Variants in SQOR observed in about 807,000 individuals in gnomAD.
SQOR encodes the protein sulfide:quinone oxidoreductase, mitochondrial.
Under a neutral mutation model 48.6 loss-of-function variants are expected in SQOR, and 39 were observed. That is an observed-to-expected ratio of 0.80 (90% CI 0.62 to 1.05). The LOEUF (loss-of-function observed/expected upper bound fraction) is 1.05, where lower values mean the gene tolerates loss of function less well. Among genes scored for constraint, SQOR ranks in the 50% least tolerant of loss-of-function variants. The pLI, the probability that SQOR is intolerant of heterozygous loss-of-function variation, is 0.00. For synonymous variants in SQOR, 220 were observed against 206.2 expected (o/e 1.07, Z -0.57); for missense variants, 561 against 559.9 (o/e 1.00, Z -0.02).
intron 3 of SQOR, among the ~76,000 whole-genome samples, chr15:45,668,020 C>G (rs1292096941): frequency 6.9e-6 from 1 of 144,948 alleles, no homozygotes. Flanking sequence ...TCTTGGCTCA[C>G]TGCAACCTCT....
At chr15:45,679,563 T>C (rs1293720733) in intron 6 of SQOR, among the ~76,000 whole-genome samples, 1 of 152,056 alleles carries the variant, frequency 6.6e-6, no homozygotes, top group Non-Finnish European at 1.5e-5. Context: ...TAGCCGGGCA[T>C]GGTGGCAGGA....
intron 6 of SQOR, 146 bp from the exon 7 acceptor site, chr15:45,682,332 G>A (rs1595509525): frequency 4.0e-6 from 3 of 744,384 alleles, no homozygotes; most frequent in Admixed American, 5.8e-5. Flanking sequence ...AGATCTTGGA[G>A]AGGGCGTGGA....
Position 45,658,999 on chromosome 15 carries a change from C to T in SQOR, c.76C>T (p.Gln26Ter). 1 of 1,602,516 alleles carries T rather than the reference C, an allele frequency of 6.2e-7. No homozygotes were observed. Among genetic ancestry groups the T allele is most frequent in the Non-Finnish European group, 8.5e-7 (1 of 1,174,534 alleles). Residue 26 changes from glutamine to a stop codon, truncating the protein, a stop_gained, in exon 2 of 10, where the codon CAG becomes TAG. Transcript: ENST00000260324. LOFTEE classifies it high-confidence loss of function. ...CTGCCTGCTCAGGCTGGGCACTCAG[C>T]AGGTCGGCCCCCTTCAGCTGCACAC... ...FACLLRLGTQ[Q>*]VGPLQLHTGA...
At chr15:45,634,099 C>G (rs1383238176), upstream of SQOR, among the ~76,000 whole-genome samples, 1 of 149,756 alleles carries the variant, frequency 6.7e-6, no homozygotes, top group African/African-American at 2.5e-5. Context: ...TTGGTTGAAC[C>G]CATGAGGCAG....
intron 1 of SQOR, among the ~76,000 whole-genome samples, chr15:45,644,009 A>C (rs1356920790): frequency 6.6e-6 from 1 of 152,228 alleles, no homozygotes; most frequent in African/African-American, 2.4e-5. Context: ...AATTTAGCTC[A>C]ATCACCCACA....
At chr15:45,637,579 T>C (rs1394120982) in intron 1 of SQOR, among the ~76,000 whole-genome samples, 2 of 152,142 alleles carry the variant, frequency 1.3e-5, no homozygotes, top group African/African-American at 2.4e-5. Context: ...AATTTGGGGC[T>C]TTTTTTCTGG....
At chr15:45,640,230 G>T (rs187462174) in intron 1 of SQOR, among the ~76,000 whole-genome samples, 1 of 152,168 alleles carries the variant, frequency 6.6e-6, no homozygotes, top group South Asian at 2.1e-4. Context: ...TAGAACAAGC[G>T]TCCCCATTTG....
intron 1 of SQOR, among the ~76,000 whole-genome samples, chr15:45,635,775 G>A (rs1185148254): frequency 6.6e-6 from 1 of 152,156 alleles, no homozygotes; most frequent in Non-Finnish European, 1.5e-5. Context: ...ATAATGCAGG[G>A]CTCTGTTCCA....
At chr15:45,667,410 C>T (rs991177220) in intron 3 of SQOR, among the ~76,000 whole-genome samples, 1 of 152,086 alleles carries the variant, frequency 6.6e-6, no homozygotes, top group African/African-American at 2.4e-5. Flanking sequence ...TCAGAGTTTA[C>T]GTCTTCTGAC....
At chr15:45,639,633 G>T (rs1895071024) in intron 1 of SQOR, among the ~76,000 whole-genome samples, 1 of 152,166 alleles carries the variant, frequency 6.6e-6, no homozygotes, top group South Asian at 2.1e-4. Flanking sequence ...TATATCTTTG[G>T]CTATTTGTTC....
chr15:45,677,642 C>T (rs1890060010), intron 6 of SQOR, among the ~76,000 whole-genome samples: 1 of 152,120 alleles, frequency 6.6e-6, no homozygotes, highest in Non-Finnish European at 1.5e-5. Flanking sequence ...GTAGAATGTT[C>T]CTCATTTTGA....
intron 1 of SQOR, among the ~76,000 whole-genome samples, chr15:45,637,896 A>G (rs1285940420): frequency 1.3e-5 from 2 of 152,298 alleles, no homozygotes; most frequent in East Asian, 1.9e-4. Context: ...TCCACTATCT[A>G]CTATATAACT....
At chr15:45,669,869 A>C (rs1046638574) in intron 3 of SQOR, 59 bp from the exon 4 acceptor site, 1 of 1,446,870 alleles carries the variant, frequency 6.9e-7, no homozygotes, top group South Asian at 1.1e-5. Flanking sequence ...GGCCTGAGTC[A>C]GTCCTTGAGT....
At chr15:45,667,028 C>CCCTCCCTT (rs1388607212) in intron 3 of SQOR, among the ~76,000 whole-genome samples, 24 of 26,200 alleles carry the variant, frequency 9.2e-4, no homozygotes, top group African/African-American at 3.6e-3. Flanking sequence ...CTCCCTCCCT[C>CCCTCCCTT]CCTTCCTTCC....
chr15:45,658,019 T>C (rs1889644456), intron 1 of SQOR, among the ~76,000 whole-genome samples: 1 of 152,078 alleles, frequency 6.6e-6, no homozygotes. Context: ...AGGTCAGTCT[T>C]TGAGAAGCCT....
chr15:45,632,941 C>CAAAAA (rs111851737), upstream of SQOR, among the ~76,000 whole-genome samples: 2 of 131,428 alleles, frequency 1.5e-5, no homozygotes, highest in African/African-American at 5.6e-5. Flanking sequence ...TCCATCTCTA[C>CAAAAA]AAAAAAAAAA....
intron 3 of SQOR, among the ~76,000 whole-genome samples, chr15:45,665,114 G>A (rs961289244): frequency 9.9e-5 from 15 of 152,126 alleles, no homozygotes; most frequent in Non-Finnish European, 1.6e-4. Flanking sequence ...CGGTGGTTGG[G>A]TTCATGCTCA....
chr15:45,662,071 A>C lies in SQOR; in HGVS notation c.351A>C (p.Arg117Ser). The C allele has an allele frequency of 6.2e-7, 1 of 1,614,236 alleles. No homozygotes were observed. The change falls in exon 3 of 10, where the codon AGA (arginine) becomes AGC (serine). Residue 117 changes from arginine to serine, a missense_variant. Coordinates refer to ENST00000260324, the MANE Select transcript of SQOR (RefSeq NM_021199.4). The part of the protein sequence containing the change: ...IPSGVEWIKA[R>S]VTELNPDKNC... ...CTGGTGTAGAATGGATCAAAGCTAG[A>C]GTGACTGAGTTGAACCCAGACAAGA...
chr15:45,652,331 G>T (rs1287710912), intron 1 of SQOR, among the ~76,000 whole-genome samples: 6 of 151,140 alleles, frequency 4.0e-5, no homozygotes, highest in Non-Finnish European at 7.4e-5. Context: ...CTTCCATTGA[G>T]TGATTGATTG....
Sources: allele counts gnomAD v4.1 joint callset (sites outside exome capture counted in the v4.1 genomes callset), GRCh38; gene constraint gnomAD v4.1.1; transcripts MANE v1.5; gene names NCBI Gene and HGNC (gene_info 2026-07-23, HGNC 2026-07-21).